Variants in PODXL observed in about 807,000 individuals in gnomAD.
PODXL encodes the protein podocalyxin.
In PODXL, 20 loss-of-function variants were observed where a neutral mutation model predicts 48.9. That is an observed-to-expected ratio of 0.41 (90% CI 0.29 to 0.59). PODXL has a LOEUF of 0.59. Ranked by LOEUF, PODXL falls within the 20% of genes least tolerant of loss-of-function variation. PODXL has a pLI of 0.31. For missense variants in PODXL, 606 were observed against 675.1 expected, an observed-to-expected ratio of 0.90 and a Z score of 1.13; for synonymous variants, 295 against 287.4, an observed-to-expected ratio of 1.03 and a Z score of -0.27.
intron 1 of PODXL, among the ~76,000 whole-genome samples, chr7:131,524,366 A>ACACG (rs1554385074): frequency 1.9e-5 from 2 of 107,402 alleles, no homozygotes; most frequent in Non-Finnish European, 3.7e-5. Context: ...ACACACGCAC[A>ACACG]CACACACACA....
In PODXL at chr7:131,523,453, C is replaced by T. The variant is rs529453971; in HGVS notation, c.101-12020G>A. Among the ~76,000 whole-genome samples, 579 of 151,982 alleles carry T rather than the reference C, an allele frequency of 3.8e-3. 5 individuals carry two copies. The highest frequency in any genetic ancestry group is 4.0e-3 in the Non-Finnish European group (275 of 67,952). On this transcript the variant is annotated intron_variant, in intron 1 of 8. Coordinates refer to ENST00000378555, the MANE Select transcript of PODXL (RefSeq NM_001018111.3). The stretch of plus-strand genomic sequence containing the variant: ...ATCCCAGCATTTTGGGAGGGTGAGG[C>T]GGGCAGATCACGAGGTCAGGAGATC...
At chr7:131,554,976 T>C (rs142895154) in intron 1 of PODXL, among the ~76,000 whole-genome samples, 1 of 152,242 alleles carries the variant, frequency 6.6e-6, no homozygotes, top group Non-Finnish European at 1.5e-5. Context: ...GGACACACAT[T>C]CTTCCCCCCG....
At chr7:131,532,917 C>T (rs1465671189) in intron 1 of PODXL, among the ~76,000 whole-genome samples, 1 of 152,150 alleles carries the variant, frequency 6.6e-6, no homozygotes, top group Non-Finnish European at 1.5e-5. Context: ...CTCGCCAGAA[C>T]CTGACCATGC....
intron 1 of PODXL, among the ~76,000 whole-genome samples, chr7:131,552,622 C>T (rs547677412): frequency 2.3e-3 from 349 of 152,282 alleles, no homozygotes; most frequent in African/African-American, 8.2e-3. Context: ...CTTCTCTGGA[C>T]GACCACACTC....
intron 1 of PODXL, among the ~76,000 whole-genome samples, chr7:131,534,947 G>A (rs565197257): frequency 6.6e-6 from 1 of 152,264 alleles, no homozygotes; most frequent in South Asian, 2.1e-4. Flanking sequence ...AGCTACTCAG[G>A]AGGCTGAGGT....
chr7:131,508,872 A>G lies in PODXL; in HGVS notation c.1101+79T>C. The G allele has an allele frequency of 3.9e-6, 4 of 1,023,474 alleles. No individual in the cohort carries two copies. The South Asian group carries it at 5.0e-5, about 13-fold the overall frequency. The allele number at this position is 1,023,474 out of a possible 1,614,324, so 63.4% of individuals were successfully genotyped here. ...GAAAGATGTTTAAAAATGCACCTAG[A>G]AAGAACATACATTCCCTCTCCCTCC... is the stretch of plus-strand genomic sequence containing the variant. On this transcript the variant is annotated intron_variant, in intron 5 of 8. Coordinates refer to ENST00000378555, the MANE Select transcript of PODXL (RefSeq NM_001018111.3).
chr7:131,520,188 G>A (rs1421841927), intron 1 of PODXL: 6 of 304,848 alleles, frequency 2.0e-5, no homozygotes, highest in African/African-American at 6.7e-5. Flanking sequence ...TACCATCAAC[G>A]AGGTGGTGAC....
chr7:131,553,497 T>G (rs893650241), intron 1 of PODXL, among the ~76,000 whole-genome samples: 3 of 152,246 alleles, frequency 2.0e-5, no homozygotes, highest in Non-Finnish European at 1.5e-5. Context: ...TAGCTATTTT[T>G]TGAGTGTTGA....
intron 1 of PODXL, among the ~76,000 whole-genome samples, chr7:131,546,907 A>T (rs1798586891): frequency 6.6e-6 from 1 of 152,092 alleles, no homozygotes; most frequent in Admixed American, 6.6e-5. Context: ...GCGGTCTCCA[A>T]CTAACCCTGC....
intron 1 of PODXL, among the ~76,000 whole-genome samples, chr7:131,516,398 G>T (rs1312464423): frequency 6.6e-6 from 1 of 152,198 alleles, no homozygotes; most frequent in Non-Finnish European, 1.5e-5. Flanking sequence ...AATTAGCCGG[G>T]CGTGTTGGCG....
At chr7:131,512,259 C>T (rs1038708016) in intron 1 of PODXL, among the ~76,000 whole-genome samples, 28 of 152,214 alleles carry the variant, frequency 1.8e-4, no homozygotes, top group African/African-American at 6.5e-4. Flanking sequence ...GTGAACACGA[C>T]ACAGAGAGTC....
chr7:131,535,141 G>A (rs2116842422), intron 1 of PODXL, among the ~76,000 whole-genome samples: 1 of 152,350 alleles, frequency 6.6e-6, no homozygotes, highest in Middle Eastern at 3.4e-3. Flanking sequence ...CATGAGATAT[G>A]TGTTATTATC....
chr7:131,535,041 G>T (rs1798352043), intron 1 of PODXL, among the ~76,000 whole-genome samples: 2 of 152,124 alleles, frequency 1.3e-5, no homozygotes. Flanking sequence ...GACAAAGCAA[G>T]ACTCTATCTC....
At chr7:131,506,345 C>T in intron 6 of PODXL, 24 bp from the exon 7 acceptor site, 1 of 1,613,378 alleles carries the variant, frequency 6.2e-7, no homozygotes. Flanking sequence ...AGACGATGCC[C>T]AATGGCCCAG....
intron 1 of PODXL, among the ~76,000 whole-genome samples, chr7:131,512,804 C>T (rs2116795924): frequency 6.6e-6 from 1 of 152,032 alleles, no homozygotes; most frequent in Non-Finnish European, 1.5e-5. Context: ...ATAGAGAAAC[C>T]CCATCTCTAC....
chr7:131,512,994 C>CAAAAAAAAAAAAAAAAAAAAAAA (rs60701480), intron 1 of PODXL, among the ~76,000 whole-genome samples: 1 of 95,818 alleles, frequency 1.0e-5, no homozygotes, highest in Non-Finnish European at 1.9e-5. Flanking sequence ...GACTCCGTCT[C>CAAAAAAAAAAAAAAAAAAAAAAA]AAAAAAAAAA....
At chr7:131,541,222 A>C (rs548674733) in intron 1 of PODXL, among the ~76,000 whole-genome samples, 2 of 152,176 alleles carry the variant, frequency 1.3e-5, no homozygotes, top group Non-Finnish European at 2.9e-5. Flanking sequence ...ACTATCACCT[A>C]TCTCTCTCCT....
At chr7:131,541,086 C>A in intron 1 of PODXL, among the ~76,000 whole-genome samples, 1 of 152,214 alleles carries the variant, frequency 6.6e-6, no homozygotes, top group Non-Finnish European at 1.5e-5. Flanking sequence ...TAATTCACAG[C>A]AGGGCACGTT....
At chr7:131,521,464 C>T (rs930136035) in intron 1 of PODXL, among the ~76,000 whole-genome samples, 1 of 151,964 alleles carries the variant, frequency 6.6e-6, no homozygotes, top group Admixed American at 6.6e-5. Flanking sequence ...GCCTCAGCCT[C>T]CTGAGTGGCT....
Sources: gnomAD v4.1 joint callset for allele counts (sites outside exome capture counted in the v4.1 genomes callset) on GRCh38, gnomAD v4.1.1 for gene constraint, MANE v1.5 for transcripts, NCBI Gene and HGNC (gene_info 2026-07-23, HGNC 2026-07-21) for gene names.